Variants in GRID2 observed in about 807,000 individuals in gnomAD.
GRID2 encodes the protein glutamate ionotropic receptor delta type subunit 2.
GRID2 carries 33 observed loss-of-function variants against 114.8 expected under a neutral mutation model. The observed-to-expected ratio is 0.29, with a 90% CI of 0.22 to 0.38. The LOEUF is 0.38. Among genes scored for constraint, GRID2 ranks in the 10% least tolerant of loss-of-function variants. The pLI, the probability that GRID2 is intolerant of heterozygous loss-of-function variation, is 1.00. For synonymous variants in GRID2, 505 were observed against 449.9 expected (o/e 1.12, Z -1.55); for missense variants, 1,184 against 1,257.7 (o/e 0.94, Z 0.89).
chr4:92,662,018 C>A (rs191548686), intron 2 of GRID2, among the ~76,000 whole-genome samples: 1 of 150,962 alleles, frequency 6.6e-6, no homozygotes, highest in Non-Finnish European at 1.5e-5. Context: ...GCTGAGGATG[C>A]CCACAGTTTA....
chr4:92,998,326 TAATC>T (rs1317427169), intron 2 of GRID2, among the ~76,000 whole-genome samples: 5 of 152,080 alleles, frequency 3.3e-5, no homozygotes, highest in East Asian at 3.9e-4. Flanking sequence ...TCACTGATCT[TAATC>T]AAAGAAAATT....
chr4:92,346,483 GC>G (rs1459236840), intron 1 of GRID2, among the ~76,000 whole-genome samples: 1 of 151,958 alleles, frequency 6.6e-6, no homozygotes, highest in Non-Finnish European at 1.5e-5. Context: ...TCCCACCTCA[GC>G]CCCCACAAGT....
intron 2 of GRID2, among the ~76,000 whole-genome samples, chr4:92,752,004 A>T (rs993881495): frequency 2.6e-5 from 4 of 152,192 alleles, no homozygotes; most frequent in Non-Finnish European, 5.9e-5. Context: ...CAAAAGTGCG[A>T]ATTTCTCTGT....
At chr4:93,351,443 C>T (rs1359300830) in intron 8 of GRID2, among the ~76,000 whole-genome samples, 1 of 152,006 alleles carries the variant, frequency 6.6e-6, no homozygotes, top group Non-Finnish European at 1.5e-5. Flanking sequence ...AGGTTATTGA[C>T]ATTCACAAGT....
intron 8 of GRID2, among the ~76,000 whole-genome samples, chr4:93,267,969 G>C (rs141780389): frequency 6.6e-6 from 1 of 152,144 alleles, no homozygotes; most frequent in Non-Finnish European, 1.5e-5. Context: ...GGGTCAGGAC[G>C]CTCCCCTGCG....
At chr4:93,726,871 T>G (rs1477702184) in intron 14 of GRID2, among the ~76,000 whole-genome samples, 2 of 152,198 alleles carry the variant, frequency 1.3e-5, no homozygotes, top group Non-Finnish European at 2.9e-5. Flanking sequence ...CTTATCAGCT[T>G]AAGGAGATTT....
At chr4:93,587,038 G>A (rs768629796) in intron 13 of GRID2, among the ~76,000 whole-genome samples, 4 of 152,060 alleles carry the variant, frequency 2.6e-5, no homozygotes, top group African/African-American at 7.2e-5. Context: ...AGACACTGAT[G>A]TTGACTGAAT....
chr4:92,953,152 G>T (rs1018584596), intron 2 of GRID2, among the ~76,000 whole-genome samples: 3 of 152,092 alleles, frequency 2.0e-5, no homozygotes, highest in Non-Finnish European at 4.4e-5. Context: ...CGTATACAGA[G>T]AACTTCTTTA....
At chr4:93,630,050 C>T (rs1467073596) in intron 14 of GRID2, among the ~76,000 whole-genome samples, 1 of 152,080 alleles carries the variant, frequency 6.6e-6, no homozygotes, top group African/African-American at 2.4e-5. Context: ...TGTATGTGAG[C>T]GAACACACAT....
intron 4 of GRID2, among the ~76,000 whole-genome samples, chr4:93,145,990 G>T (rs991812646): frequency 1.3e-5 from 2 of 151,516 alleles, no homozygotes; most frequent in Admixed American, 6.6e-5. Flanking sequence ...ATAGACAAAG[G>T]TATATATATA....
intron 2 of GRID2, among the ~76,000 whole-genome samples, chr4:92,685,111 A>G (rs1016686558): frequency 6.6e-5 from 10 of 152,086 alleles, no homozygotes; most frequent in Non-Finnish European, 1.5e-5. Flanking sequence ...CGAGGCAGCT[A>G]TTAAATAGAT....
chr4:92,940,248 G>C (rs1418904832), intron 2 of GRID2, among the ~76,000 whole-genome samples: 3 of 146,980 alleles, frequency 2.0e-5, no homozygotes, highest in Non-Finnish European at 4.5e-5. Flanking sequence ...TCATTGAGCA[G>C]TGATTTGTAG....
intron 14 of GRID2, among the ~76,000 whole-genome samples, chr4:93,724,085 T>G (rs1454341313): frequency 6.6e-6 from 1 of 152,198 alleles, no homozygotes; most frequent in Non-Finnish European, 1.5e-5. Flanking sequence ...GATGAAGACA[T>G]TAAACATATT....
rs79055888 is a variant in GRID2, at chr4:93,177,335, G to A, written c.736-30069G>A. Among the ~76,000 whole-genome samples, 1,224 of 151,958 alleles carry A rather than the reference G, an allele frequency of 8.1e-3. 3 individuals are homozygous for A. Among genetic ancestry groups the A allele is most frequent in the Non-Finnish European group, 0.013 (867 of 67,958 alleles). ...ATAAATATAATAGCTAATATTTATT[G>A]ACCGGGCCCTGCTTTTAGCCTTTTC... On this transcript the variant is annotated intron_variant, in intron 4 of 15. Coordinates refer to ENST00000282020, the MANE Select transcript of GRID2 (RefSeq NM_001510.4).
chr4:92,530,088 C>G (rs1310578731), intron 1 of GRID2, among the ~76,000 whole-genome samples: 1 of 150,696 alleles, frequency 6.6e-6, no homozygotes, highest in Non-Finnish European at 1.5e-5. Context: ...AAGCATTTAT[C>G]CTAACTTTAC....
intron 10 of GRID2, among the ~76,000 whole-genome samples, chr4:93,449,138 C>A (rs894865893): frequency 6.6e-6 from 1 of 151,218 alleles, no homozygotes; most frequent in African/African-American, 2.4e-5. Context: ...TTTAAGAAAA[C>A]TATCAAGAAA....
intron 2 of GRID2, among the ~76,000 whole-genome samples, chr4:93,020,099 ATTG>A (rs553617695): frequency 5.8e-4 from 88 of 152,286 alleles, no homozygotes; most frequent in African/African-American, 2.0e-3. Context: ...CTTTGTGTGT[ATTG>A]TTGATGAATT....
At chr4:93,703,968 G>T (rs1313367385) in intron 14 of GRID2, among the ~76,000 whole-genome samples, 1 of 151,834 alleles carries the variant, frequency 6.6e-6, no homozygotes, top group Non-Finnish European at 1.5e-5. Flanking sequence ...GTGTGCATGT[G>T]TCTTTATAGC....
At chr4:93,725,033 T>G (rs1729722155) in intron 14 of GRID2, among the ~76,000 whole-genome samples, 1 of 152,182 alleles carries the variant, frequency 6.6e-6, no homozygotes, top group Non-Finnish European at 1.5e-5. Flanking sequence ...GTGCACAATG[T>G]GCAGGTTTGT....
Sources: gnomAD v4.1 joint callset for allele counts (sites outside exome capture counted in the v4.1 genomes callset) on GRCh38, gnomAD v4.1.1 for gene constraint, MANE v1.5 for transcripts, NCBI Gene and HGNC (gene_info 2026-07-23, HGNC 2026-07-21) for gene names.